Variants in USP50 observed in about 807,000 individuals in gnomAD.
USP50 encodes ubiquitin carboxyl-terminal hydrolase 50.
In USP50, 37 loss-of-function variants were observed where a neutral mutation model predicts 39.2. The ratio of observed to expected loss-of-function variants is 0.94; its 90% CI spans 0.73 to 1.24. The LOEUF (loss-of-function observed/expected upper bound fraction) is 1.24, where lower values mean the gene tolerates loss of function less well. Among genes scored for constraint, USP50 ranks in the 50% most tolerant of loss-of-function variants. The pLI, the probability that USP50 is intolerant of heterozygous loss-of-function variation, is 0.00. For missense variants in USP50, 374 were observed against 398.2 expected, an observed-to-expected ratio of 0.94 and a Z score of 0.52; for synonymous variants, 139 against 144.5, an observed-to-expected ratio of 0.96 and a Z score of 0.27.
chr15:50,499,862 T>A (rs534295089), downstream of USP50: 1 of 152,290 alleles, frequency 6.6e-6, no homozygotes, highest in African/African-American at 2.4e-5. Flanking sequence ...ACACACGTGC[T>A]ATATAATAAC....
At chr15:50,496,580 T>TTTAAAGATACCTTTA (rs2052420722), downstream of USP50, among the ~76,000 whole-genome samples, 1 of 152,182 alleles carries the variant, frequency 6.6e-6, no homozygotes, top group Admixed American at 6.5e-5. Context: ...AAATTTCTTT[T>TTTAAAGATACCTTTA]TTAAAGATAC....
chr15:50,497,017 C>A (rs1363206738), downstream of USP50: 8 of 1,525,160 alleles, frequency 5.2e-6, no homozygotes, highest in Admixed American at 2.2e-5. Context: ...GAGTGACTAA[C>A]TAAATAGGTG....
chr15:50,497,896 T>C (rs2052478681), downstream of USP50, among the ~76,000 whole-genome samples: 1 of 152,198 alleles, frequency 6.6e-6, no homozygotes, highest in South Asian at 2.1e-4. Context: ...GTTAAAAATG[T>C]TTTATCTTGT....
intron 4 of USP50, among the ~76,000 whole-genome samples, chr15:50,539,931 C>A (rs547765400): frequency 6.6e-6 from 1 of 152,112 alleles, no homozygotes; most frequent in Non-Finnish European, 1.5e-5. Flanking sequence ...AGAAGAAGAG[C>A]GCAGATTTTG....
intron 4 of USP50, among the ~76,000 whole-genome samples, chr15:50,540,735 T>C (rs909593187): frequency 2.0e-5 from 3 of 152,128 alleles, no homozygotes; most frequent in Middle Eastern, 3.2e-3. Flanking sequence ...GCGATTCTTA[T>C]GGCTCAGTCT....
chr15:50,504,558 A>G (rs903677187), intron 6 of USP50: 1 of 152,188 alleles, frequency 6.6e-6, no homozygotes, highest in Non-Finnish European at 1.5e-5. Flanking sequence ...AAAAGACACC[A>G]TTTTATATAG....
chr15:50,505,049 G>A (rs575929870), intron 6 of USP50: 2 of 152,146 alleles, frequency 1.3e-5, no homozygotes, highest in East Asian at 3.9e-4. Context: ...GAGTAGTGAT[G>A]GAGAATACGT....
chr15:50,495,770 T>C, downstream of USP50: 1 of 1,163,216 alleles, frequency 8.6e-7, no homozygotes, highest in Non-Finnish European at 1.2e-6. Flanking sequence ...TGGCAAGTGT[T>C]TGTATTCACT....
chr15:50,537,518 T>TA (rs546956781), intron 5 of USP50, among the ~76,000 whole-genome samples: 2,650 of 135,656 alleles, frequency 0.02, 68 homozygotes, highest in African/African-American at 0.065. Flanking sequence ...AGCCATGGAC[T>TA]AAAAAAAAAA....
Position 50,546,623 on chromosome 15 carries a change from T to A in USP50, c.-98A>T. The A allele has an allele frequency of 7.3e-7, 1 of 1,369,144 alleles. No individual in the cohort carries two copies. The highest frequency in any genetic ancestry group is 1.0e-6 in the Non-Finnish European group (1 of 963,768). The allele number at this position is 1,369,144 out of a possible 1,614,324, so 84.8% of individuals were successfully genotyped here. ...AGCCTGTTAACGCTGGCTTTTTGTT[T>A]TAAACAATTGATATGCTCCTCTCTC... is the stretch of plus-strand genomic sequence containing the variant. On this transcript the variant is annotated 5_prime_UTR_variant, in exon 1 of 7. Transcript: ENST00000532404.
downstream of USP50, chr15:50,499,150 C>CT (rs2052525118): frequency 6.8e-7 from 1 of 1,479,636 alleles, no homozygotes; most frequent in African/African-American, 1.4e-5. Flanking sequence ...TCTTGAAATG[C>CT]TTATCAGGAT....
chr15:50,495,746 G>A (rs2052372719), downstream of USP50: 1 of 897,294 alleles, frequency 1.1e-6, no homozygotes, highest in Non-Finnish European at 1.7e-6. Context: ...GAGAACTACA[G>A]GTGTTTCTAA....
chr15:50,533,150 C>T (rs1000631138), intron 5 of USP50, among the ~76,000 whole-genome samples: 1 of 148,530 alleles, frequency 6.7e-6, no homozygotes, highest in South Asian at 2.1e-4. Context: ...CCTGCCCCCA[C>T]CATGCCTCCT....
rs2052565163 is a variant in USP50 at position 50,500,588 on chromosome 15, C to G, written c.*181G>C. 1.8e-6 allele frequency: 1 copy of G among 555,830 alleles called. No homozygotes were observed. Among genetic ancestry groups the G allele is most frequent in the Non-Finnish European group, 3.2e-6 (1 of 311,774 alleles). 34.4% of individuals were successfully genotyped at this position (555,830 alleles called of 1,614,324 possible). ...AAGTTCTAAGAGTTTAATGACCAAG[C>G]AAAACTCTACCACCAGATGCTGACT... On this transcript the variant is annotated 3_prime_UTR_variant, in exon 7 of 7. Transcript: ENST00000532404.
chr15:50,504,145 T>C (rs935447428), intron 6 of USP50: 4 of 152,222 alleles, frequency 2.6e-5, no homozygotes, highest in African/African-American at 9.6e-5. Flanking sequence ...AACAACTATT[T>C]ACATAGTATT....
intron 3 of USP50, among the ~76,000 whole-genome samples, chr15:50,542,726 T>C (rs933577039): frequency 1.3e-5 from 2 of 152,090 alleles, no homozygotes; most frequent in African/African-American, 4.8e-5. Flanking sequence ...TGACCTCAAG[T>C]GATCCACCCA....
At chr15:50,524,308 AG>A (rs1175110668) in intron 6 of USP50, among the ~76,000 whole-genome samples, 1 of 152,256 alleles carries the variant, frequency 6.6e-6, no homozygotes, top group East Asian at 1.9e-4. Flanking sequence ...TGCACAGCAA[AG>A]GAAACAATTA....
At chr15:50,493,893 G>T, downstream of USP50, 1 of 805,788 alleles carries the variant, frequency 1.2e-6, no homozygotes, top group East Asian at 2.5e-5. Flanking sequence ...GAAGCTGAAG[G>T]GATGTAAGCA....
chr15:50,534,267 T>C (rs991866641), intron 5 of USP50, among the ~76,000 whole-genome samples: 1 of 152,154 alleles, frequency 6.6e-6, no homozygotes, highest in Non-Finnish European at 1.5e-5. Context: ...AGGAAAGCAG[T>C]ATGGTATTAT....
Sources: gnomAD v4.1 joint callset for allele counts (sites outside exome capture counted in the v4.1 genomes callset) on GRCh38, gnomAD v4.1.1 for gene constraint, MANE v1.5 for transcripts, NCBI Gene and HGNC (gene_info 2026-07-23, HGNC 2026-07-21) for gene names.